Variants in DYNC2H1 observed in about 807,000 individuals in gnomAD.
DYNC2H1 encodes the protein dynein cytoplasmic 2 heavy chain 1.
A neutral mutation model predicts 570.0 loss-of-function variants in DYNC2H1; 410 were observed. That is an observed-to-expected ratio of 0.72 (90% confidence interval 0.66 to 0.78). The LOEUF (loss-of-function observed/expected upper bound fraction) is 0.78. Ranked by LOEUF, DYNC2H1 falls within the 30% of genes least tolerant of loss-of-function variation. DYNC2H1 has a pLI of 0.00. For missense variants in DYNC2H1, 4,865 were observed against 5,046.4 expected, an observed-to-expected ratio of 0.96 and a Z score of 1.09; for synonymous variants, 1,688 against 1,677.6, an observed-to-expected ratio of 1.01 and a Z score of -0.15.
At chr11:103,341,612 T>G (rs4754920) in intron 82 of DYNC2H1, among the ~76,000 whole-genome samples, 32,979 of 152,086 alleles carry the variant, frequency 0.22, 3,717 homozygotes, top group Admixed American at 0.31. Flanking sequence ...CCTTAATTTT[T>G]GGAGTATCTG....
chr11:103,278,707 T>C (rs537619899), intron 70 of DYNC2H1, among the ~76,000 whole-genome samples: 2 of 152,128 alleles, frequency 1.3e-5, no homozygotes, highest in Non-Finnish European at 2.9e-5. Context: ...GCTGGAACTA[T>C]AGGCGCATGC....
chr11:103,401,862 A>G (rs1259499144), intron 84 of DYNC2H1, among the ~76,000 whole-genome samples: 3 of 152,162 alleles, frequency 2.0e-5, no homozygotes, highest in Non-Finnish European at 2.9e-5. Flanking sequence ...AGAAATAGGA[A>G]TACCATGTAG....
chr11:103,447,725 C>A (rs1263561911), intron 85 of DYNC2H1, among the ~76,000 whole-genome samples: 1 of 152,058 alleles, frequency 6.6e-6, no homozygotes, highest in Admixed American at 6.6e-5. Flanking sequence ...GTGTAACATG[C>A]TTTAAATTTT....
chr11:103,260,446 A>C (rs1366428264), intron 70 of DYNC2H1, among the ~76,000 whole-genome samples: 4 of 152,176 alleles, frequency 2.6e-5, no homozygotes, highest in Admixed American at 2.6e-4. Context: ...GGGGTTGAGG[A>C]ACAAAATTAT....
At position 103,197,935 on chromosome 11, in the gene DYNC2H1, A is replaced by G. The variant is rs748787444; in HGVS notation, c.7711A>G (p.Ser2571Gly). The G allele has an allele frequency of 3.8e-6, 6 of 1,567,734 alleles. No homozygotes were observed. The highest frequency in any genetic ancestry group is 1.4e-5 in the African/African-American group (1 of 73,880). The stretch of plus-strand genomic sequence containing the variant: ...AAAAATATCATTTATTTCCACAGAT[A>G]GTTTCTACGTTACATGGGGAGCTCG... Reference protein sequence around the residue: ...GSDILDNMSDSFYVTWGARHN... With the variant: ...GSDILDNMSDGFYVTWGARHN... The change falls in exon 48 of 89, where the codon AGT becomes GGT. Residue 2571 changes from serine (S) to glycine (G), a missense_variant and splice_region_variant. This residue lies in a region of DYNC2H1 where 2,401 missense variants were observed against 2,454.6 expected (regional missense o/e 0.98). Coordinates refer to ENST00000375735, the MANE Select transcript of DYNC2H1 (RefSeq NM_001377.3).
chr11:103,392,464 C>T lies in DYNC2H1; in HGVS notation c.12157-7199C>T, dbSNP rs528665925. Among the ~76,000 whole-genome samples, 4 of 152,346 alleles carry T rather than the reference C, an allele frequency of 2.6e-5. No homozygotes were observed. In the East Asian group the frequency reaches 5.8e-4, roughly 22 times the overall value. On this transcript the variant is annotated intron_variant, in intron 83 of 88. Coordinates refer to ENST00000375735, the MANE Select transcript of DYNC2H1 (RefSeq NM_001377.3). ...GCGCTTACTGGGTGAGGTGATGCCTCGCCCTGCTTCGGCTCACACTTGGTG... is the reference window on the plus strand; with the variant it reads ...GCGCTTACTGGGTGAGGTGATGCCTTGCCCTGCTTCGGCTCACACTTGGTG...
chr11:103,125,062 A>G (rs766864424), intron 11 of DYNC2H1, 38 bp from the exon 12 acceptor site: 2 of 1,504,698 alleles, frequency 1.3e-6, no homozygotes, highest in Non-Finnish European at 1.8e-6. Flanking sequence ...AAACAGTGAG[A>G]ACATGAAACT....
At chr11:103,169,038 C>CT in intron 32 of DYNC2H1, 78 bp downstream of exon 32, 1 of 1,270,758 alleles carries the variant, frequency 7.9e-7, no homozygotes, top group Non-Finnish European at 1.1e-6. Context: ...GGTAGAAATA[C>CT]TTTTTTATTT....
rs772542860 is a variant in DYNC2H1, at chr11:103,305,353, G to A, written c.11382+633G>A. ...TTTTAATTCCATCAGCACAAGTAGA[G>A]ATAGTGTTGGGGATGTCCACCCCTA... On this transcript the variant is annotated intron_variant, in intron 77 of 88. Transcript: ENST00000375735. The surrounding 1 kb of genome is among the most constrained non-coding windows in gnomAD (Gnocchi z 4.3). Among the ~76,000 whole-genome samples the A allele has an allele frequency of 6.6e-5, 10 of 152,156 alleles. No individual in the cohort carries two copies. Among genetic ancestry groups the A allele is most frequent in the Non-Finnish European group, 1.3e-4 (9 of 68,026 alleles).
chr11:103,282,214 C>G lies in DYNC2H1; in HGVS notation c.10797C>G (p.Asp3599Glu), dbSNP rs1866168893. Residue 3599 changes from aspartate to glutamate, a missense_variant, in exon 72 of 89, where the codon GAC (aspartate) becomes GAG (glutamate). Transcript: ENST00000375735. Reference sequence around the variant, plus strand: ...CGTTTACAGGTGTGGTTGTTGGAGACATGTTACGGAAAGCTGTAAGTTAAA... The same window carrying G: ...CGTTTACAGGTGTGGTTGTTGGAGAGATGTTACGGAAAGCTGTAAGTTAAA... ...WDTFTGVVVG[D>E]MLRKADSQQK... The G allele has an allele frequency of 6.2e-7, 1 of 1,607,898 alleles. No homozygotes were observed. Among genetic ancestry groups the G allele is most frequent in the African/African-American group, 1.3e-5 (1 of 74,534 alleles).
Position 103,399,836 on chromosome 11 carries a change from A to G in DYNC2H1, c.12330A>G (p.Glu4110=), listed in dbSNP as rs1361992864. The G allele has an allele frequency of 6.2e-7, 1 of 1,613,860 alleles. No homozygotes were observed. The highest frequency in any genetic ancestry group is 8.5e-7 in the Non-Finnish European group (1 of 1,179,836). Residue 4110 remains glutamate, a synonymous_variant, in exon 84 of 89, where the codon GAA becomes GAG. Transcript: ENST00000375735. ...GAGGAACTACTTTACTGAGTTCAGA[A>G]GTACAAAAATTGGCAAGTGCTTTAT... ...VIRGTTLLSS[E]VQKLASALLN... is the part of the protein sequence containing the mutation.
chr11:103,203,638 C>A lies in DYNC2H1; in HGVS notation c.8198-25C>A. ...AAAGCATCATTTATTAAAATGTTTT[C>A]AATTAGTCTAATATTTTTCTGTAGG... On this transcript the variant is annotated intron_variant, in intron 50 of 88. Transcript: ENST00000375735. The surrounding 1 kb of genome is among the most constrained non-coding windows in gnomAD (Gnocchi z 4.7). The A allele has an allele frequency of 3.5e-6, 5 of 1,412,028 alleles. No homozygotes were observed. The highest frequency in any genetic ancestry group is 2.6e-5 in the South Asian group (2 of 76,316). 87.5% of individuals were successfully genotyped at this position (1,412,028 alleles called of 1,614,324 possible). A position where few individuals can be genotyped will look rare whatever the true frequency, so the allele number is the denominator to read the frequency against.
At chr11:103,200,419 G>T (rs539598785) in intron 50 of DYNC2H1, among the ~76,000 whole-genome samples, 1 of 152,146 alleles carries the variant, frequency 6.6e-6, no homozygotes, top group East Asian at 1.9e-4. Flanking sequence ...CTTTTGCTGG[G>T]TTATTATCTG....
intron 82 of DYNC2H1, among the ~76,000 whole-genome samples, chr11:103,332,868 T>C (rs1938893664): frequency 6.6e-6 from 1 of 152,004 alleles, no homozygotes; most frequent in East Asian, 1.9e-4. Context: ...CCAGGTGTGG[T>C]GGCACACGCC....
chr11:103,427,468 T>TAGC, intron 84 of DYNC2H1, among the ~76,000 whole-genome samples: 1 of 152,064 alleles, frequency 6.6e-6, no homozygotes, highest in East Asian at 1.9e-4. Context: ...CTGTAGATAG[T>TAGC]ATAATCTGTT....
intron 4 of DYNC2H1, among the ~76,000 whole-genome samples, chr11:103,116,058 A>G (rs573038630): frequency 6.6e-6 from 1 of 152,178 alleles, no homozygotes; most frequent in Non-Finnish European, 1.5e-5. Flanking sequence ...AAACAAATAT[A>G]TATTAATTTT....
intron 57 of DYNC2H1, 47 bp from the exon 58 acceptor site, chr11:103,221,983 A>T (rs1475018463): frequency 1.3e-6 from 2 of 1,583,956 alleles, no homozygotes; most frequent in Non-Finnish European, 1.7e-6. Flanking sequence ...TTTCAGAAAC[A>T]GCAAATTTTA....
rs143472869 is a variant in DYNC2H1, at chr11:103,299,424, A to C, written c.11096-3669A>C. Among the ~76,000 whole-genome samples, 399 of 152,176 alleles carry C rather than the reference A, an allele frequency of 2.6e-3. 1 individual carries two copies. Among genetic ancestry groups the C allele is most frequent in the Non-Finnish European group, 4.6e-3 (315 of 67,978 alleles). On this transcript the variant is annotated intron_variant, in intron 75 of 88. Transcript: ENST00000375735. The surrounding 1 kb of genome is among the most constrained non-coding windows in gnomAD (Gnocchi z 4.5). ...TGGGCTCACCAGGTTTCTTTGCTCC[A>C]AGTTTTGGAAGCCCTGGGGAAAATC... is the stretch of plus-strand genomic sequence containing the variant.
chr11:103,427,988 G>A (rs1050558399), intron 84 of DYNC2H1, among the ~76,000 whole-genome samples: 5 of 150,682 alleles, frequency 3.3e-5, no homozygotes, highest in East Asian at 1.9e-4. Context: ...AAAAGCATAC[G>A]GAAATATATA....
Sources: gnomAD v4.1 joint callset for allele counts (sites outside exome capture counted in the v4.1 genomes callset) on GRCh38, gnomAD v4.1.1 for gene constraint, gnomAD v4.1.1 regional missense constraint, Gnocchi (gnomAD v3.1) non-coding constraint, MANE v1.5 for transcripts, NCBI Gene and HGNC (gene_info 2026-07-23, HGNC 2026-07-21) for gene names.